The following ACTG2 variants were observed in gnomAD, a reference collection of about 807,000 sequenced individuals.
ACTG2 encodes the protein actin, gamma-enteric smooth muscle.
In ACTG2, 16 loss-of-function variants were observed where a neutral mutation model predicts 37.6. The ratio of observed to expected loss-of-function variants is 0.43; its 90% CI spans 0.29 to 0.65. The LOEUF (loss-of-function observed/expected upper bound fraction) is 0.65. ACTG2 is among the 30% of genes least tolerant of loss of function. ACTG2 has a pLI of 0.18. For missense variants in ACTG2, 238 were observed against 490.9 expected, an observed-to-expected ratio of 0.48 and a Z score of 4.87; for synonymous variants, 181 against 179.9, an observed-to-expected ratio of 1.01 and a Z score of -0.05.
chr2:73,910,352 C>A (rs2104817132), intron 5 of ACTG2, among the ~76,000 whole-genome samples: 1 of 142,016 alleles, frequency 7.0e-6, no homozygotes, highest in Middle Eastern at 3.7e-3. Flanking sequence ...AATAGAAAAA[C>A]ATCTTTTTTC....
intron 3 of ACTG2, chr2:73,908,296 G>T (rs781029665): frequency 4.2e-6 from 2 of 472,800 alleles, no homozygotes; most frequent in South Asian, 3.1e-5. Flanking sequence ...CCAGCCTCTT[G>T]CAGGAATCTT....
At chr2:73,899,043 G>C (rs890763583) in intron 1 of ACTG2, among the ~76,000 whole-genome samples, 29 of 151,868 alleles carry the variant, frequency 1.9e-4, no homozygotes, top group South Asian at 4.2e-4. Flanking sequence ...ATCTCCTGAC[G>C]TCGTGATCCG....
intron 3 of ACTG2, among the ~76,000 whole-genome samples, chr2:73,905,514 T>C (rs562606458): frequency 6.6e-6 from 1 of 152,256 alleles, no homozygotes; most frequent in East Asian, 1.9e-4. Flanking sequence ...ACAGAAATTA[T>C]GAAAAGTTGC....
intron 5 of ACTG2, among the ~76,000 whole-genome samples, chr2:73,913,278 C>T (rs891560252): frequency 1.3e-5 from 2 of 151,948 alleles, no homozygotes; most frequent in Admixed American, 1.3e-4. Flanking sequence ...ATTTTACTTG[C>T]CCTCCAGAGG....
intron 1 of ACTG2, among the ~76,000 whole-genome samples, chr2:73,899,010 C>T (rs939439904): frequency 6.6e-6 from 1 of 151,888 alleles, no homozygotes; most frequent in Non-Finnish European, 1.5e-5. Flanking sequence ...CGGGGTTTCA[C>T]CATGTTAGCC....
At chr2:73,901,899 GA>G (rs1180844931) in intron 2 of ACTG2, 2 of 189,616 alleles carry the variant, frequency 1.1e-5, no homozygotes, top group African/African-American at 2.3e-5. Flanking sequence ...CACAGGAAGG[GA>G]AAAGTATCAC....
At chr2:73,898,250 G>A (rs973461250) in intron 1 of ACTG2, among the ~76,000 whole-genome samples, 5 of 147,898 alleles carry the variant, frequency 3.4e-5, no homozygotes, top group Admixed American at 6.9e-5. Context: ...TGGGTGCCAG[G>A]CCTGCCTTTC....
At chr2:73,901,151 C>A in intron 1 of ACTG2, 125 bp from the exon 2 acceptor site, 2 of 749,776 alleles carry the variant, frequency 2.7e-6, no homozygotes, top group African/African-American at 1.8e-5. Flanking sequence ...GGAGGCCAAG[C>A]CCATGCCTGT....
At chr2:73,894,605 C>A (rs1364761324) in intron 1 of ACTG2, among the ~76,000 whole-genome samples, 1 of 152,052 alleles carries the variant, frequency 6.6e-6, no homozygotes, top group Admixed American at 6.6e-5. Context: ...CAGATGAGAA[C>A]CATGGAGCAA....
chr2:73,909,904 TG>T (rs1484463439), intron 5 of ACTG2, among the ~76,000 whole-genome samples: 1 of 152,152 alleles, frequency 6.6e-6, no homozygotes, highest in African/African-American at 2.4e-5. Context: ...ACACATCGGC[TG>T]TACTACATTT....
Position 73,908,669 on chromosome 2 carries a change from C to A in ACTG2, c.256-4C>A. On this transcript the variant is annotated splice_region_variant and splice_polypyrimidine_tract_variant and intron_variant, in intron 3 of 8. Transcript: ENST00000345517. ...CAGGCTCATATGGCTTTTGTCTCCA[C>A]TAGATCTGGCACCACTCCTTCTACA... 6.3e-7 allele frequency: 1 copy of A among 1,597,902 alleles called. No individual in the cohort carries two copies. Among genetic ancestry groups the A allele is most frequent in the African/African-American group, 1.3e-5 (1 of 74,474 alleles).
At chr2:73,913,846 G>A (rs765656610) in intron 6 of ACTG2, among the ~76,000 whole-genome samples, 200 bp downstream of exon 6, 5 of 152,126 alleles carry the variant, frequency 3.3e-5, no homozygotes, top group Non-Finnish European at 7.3e-5. Context: ...CCAGAGACCA[G>A]CTGCCTCTGT....
At chr2:73,902,777 T>C (rs754536406) in intron 3 of ACTG2, 199 of 1,547,216 alleles carry the variant, frequency 1.3e-4, no homozygotes, top group Non-Finnish European at 1.7e-4. Flanking sequence ...GGTCAGCTCA[T>C]GTCACTCACC....
chr2:73,915,729 G>C (rs1382077971), intron 7 of ACTG2, among the ~76,000 whole-genome samples: 1 of 152,144 alleles, frequency 6.6e-6, no homozygotes, highest in Non-Finnish European at 1.5e-5. Context: ...ATGAAGTATT[G>C]ATCCATGCTG....
At chr2:73,906,515 C>G (rs1680019904) in intron 3 of ACTG2, among the ~76,000 whole-genome samples, 1 of 151,694 alleles carries the variant, frequency 6.6e-6, no homozygotes, top group Non-Finnish European at 1.5e-5. Context: ...GGATCTTCCT[C>G]TGTCGCCCAG....
At chr2:73,913,189 A>G (rs1205206080) in intron 5 of ACTG2, among the ~76,000 whole-genome samples, 1 of 151,876 alleles carries the variant, frequency 6.6e-6, no homozygotes, top group African/African-American at 2.4e-5. Flanking sequence ...AAAAAAAAGA[A>G]TATGCAATGT....
intron 5 of ACTG2, among the ~76,000 whole-genome samples, chr2:73,910,365 C>CTTT (rs1190070765): frequency 0.089 from 7,149 of 80,706 alleles, 1,785 homozygotes; most frequent in Admixed American, 0.18. Context: ...CTTTTTTCGA[C>CTTT]TTTTTTTTTT....
chr2:73,915,023 T>TA, intron 7 of ACTG2, 152 bp downstream of exon 7: 14 of 490,648 alleles, frequency 2.9e-5, no homozygotes, highest in Non-Finnish European at 3.8e-5. Flanking sequence ...AAATGTATTT[T>TA]AAAAAAAATT....
At chr2:73,912,406 C>A (rs2694695) in intron 5 of ACTG2, among the ~76,000 whole-genome samples, 92,029 of 151,902 alleles carry the variant, frequency 0.61, 28,763 homozygotes, top group Admixed American at 0.72. Context: ...ATCTGCCCCC[C>A]TTGGCCTCCC....
Sources: allele counts gnomAD v4.1 joint callset (sites outside exome capture counted in the v4.1 genomes callset), GRCh38; gene constraint gnomAD v4.1.1; transcripts MANE v1.5; gene names NCBI Gene and HGNC (gene_info 2026-07-23, HGNC 2026-07-21).